Variants in PTPRQ observed in about 807,000 individuals in gnomAD.
PTPRQ encodes the protein phosphatidylinositol phosphatase PTPRQ.
In PTPRQ, 199 loss-of-function variants were observed where a neutral mutation model predicts 246.0. The observed-to-expected ratio is 0.81, with a 90% CI of 0.72 to 0.91. The LOEUF (loss-of-function observed/expected upper bound fraction) is 0.91. Among genes scored for constraint, PTPRQ ranks in the 40% least tolerant of loss-of-function variants. The pLI, the probability that PTPRQ is intolerant of heterozygous loss-of-function variation, is 0.00. For synonymous variants in PTPRQ, 869 were observed against 853.2 expected, an observed-to-expected ratio of 1.02 and a Z score of -0.32; for missense variants, 2,624 against 2,528.4, an observed-to-expected ratio of 1.04 and a Z score of -0.81.
chr12:80,625,467 T>C (rs1188159464), intron 33 of PTPRQ, among the ~76,000 whole-genome samples: 2 of 152,172 alleles, frequency 1.3e-5, no homozygotes, highest in East Asian at 3.9e-4. Context: ...AACTTTGGGA[T>C]TTAAGAGCTT....
At chr12:80,588,049 T>C (rs1897674343) in intron 25 of PTPRQ, 80 bp from the exon 26 acceptor site, 1 of 1,394,418 alleles carries the variant, frequency 7.2e-7, no homozygotes, top group South Asian at 1.6e-5. Context: ...AGCTCCTCCA[T>C]AATAGAATTC....
intron 3 of PTPRQ, among the ~76,000 whole-genome samples, chr12:80,455,950 A>T (rs1315584106): frequency 6.6e-6 from 1 of 152,098 alleles, no homozygotes; most frequent in Admixed American, 6.5e-5. Flanking sequence ...TTTGAATACT[A>T]CAGAAAGATG....
intron 25 of PTPRQ, among the ~76,000 whole-genome samples, chr12:80,585,683 A>T (rs1049503159): frequency 6.6e-6 from 1 of 151,920 alleles, no homozygotes; most frequent in Non-Finnish European, 1.5e-5. Flanking sequence ...TGAAATATTG[A>T]CATGGCTAGG....
intron 25 of PTPRQ, among the ~76,000 whole-genome samples, chr12:80,553,664 A>G (rs1463022667): frequency 6.6e-6 from 1 of 152,082 alleles, no homozygotes; most frequent in Non-Finnish European, 1.5e-5. Flanking sequence ...GATTGAATTT[A>G]TGAGGAGATT....
intron 26 of PTPRQ, among the ~76,000 whole-genome samples, chr12:80,603,133 G>A (rs1295556730): frequency 6.6e-6 from 1 of 151,600 alleles, no homozygotes; most frequent in Non-Finnish European, 1.5e-5. Context: ...ATCTCAATTT[G>A]CACCCACATC....
Position 80,549,702 on chromosome 12 carries a change from G to A in PTPRQ, c.4253G>A (p.Ser1418Asn). 2 of 1,550,664 alleles carry A rather than the reference G, an allele frequency of 1.3e-6. No homozygotes were observed. Among genetic ancestry groups the A allele is most frequent in the South Asian group, 1.2e-5 (1 of 83,962 alleles). ...ACCTCAGCTGGTGAAGGTGATGAAA[G>A]CACATGCCATGTCAGCACACTACCT... ...ASTSAGEGDE[S>N]TCHVSTLPET... The change falls in exon 25 of 45, where the codon AGC (serine) becomes AAC (asparagine). Residue 1418 changes from serine to asparagine, a missense_variant. Ser to Asn is a conservative substitution (Grantham distance 46). Transcript: ENST00000644991.
In PTPRQ at chr12:80,549,456, T is replaced by C. The variant is rs558244275; in HGVS notation, c.4016-9T>C. ...CACTTTAACTTTGGGCATATGTTTATCTCTTAAGTTCCAGATGTCGTGCAG... is the reference window on the plus strand; with the variant it reads ...CACTTTAACTTTGGGCATATGTTTACCTCTTAAGTTCCAGATGTCGTGCAG... On this transcript the variant is annotated splice_polypyrimidine_tract_variant and intron_variant, in intron 24 of 44. Transcript: ENST00000644991. The C allele has an allele frequency of 1.8e-4, 275 of 1,536,172 alleles. 2 individuals carry two copies. The South Asian group carries it at 3.0e-3, about 17-fold the overall frequency.
chr12:80,481,285 C>T (rs1471686204), intron 8 of PTPRQ, among the ~76,000 whole-genome samples: 1 of 152,158 alleles, frequency 6.6e-6, no homozygotes, highest in Non-Finnish European at 1.5e-5. Context: ...ACATGATTAT[C>T]TCAATAGATG....
chr12:80,552,560 A>G (rs1173315202), intron 25 of PTPRQ, among the ~76,000 whole-genome samples: 1 of 148,830 alleles, frequency 6.7e-6, no homozygotes, highest in East Asian at 2.0e-4. Flanking sequence ...AGTTAGTAGA[A>G]CTGTGATTCA....
At position 80,658,035 on chromosome 12, in the gene PTPRQ, G is replaced by A; in HGVS notation, c.6166G>A (p.Asp2056Asn). 1 of 1,432,180 alleles carries A rather than the reference G, an allele frequency of 7.0e-7. No individual in the cohort carries two copies. The highest frequency in any genetic ancestry group is 9.2e-7 in the Non-Finnish European group (1 of 1,088,422). The allele number at this position is 1,432,180 out of a possible 1,614,324, so 88.7% of individuals were successfully genotyped here. A position where few individuals can be genotyped will look rare whatever the true frequency, so the allele number is the denominator to read the frequency against. The change falls in exon 39 of 45, where the codon GAT becomes AAT. Residue 2056 changes from aspartate to asparagine, a missense_variant. Coordinates refer to ENST00000644991, the MANE Select transcript of PTPRQ (RefSeq NM_001145026.2). ...AGCTGACGCTAGTGTTCCAGGTTCG[G>A]ATTATATTAATGCCAGCTATATTTC... ...LIADASVPGS[D>N]YINASYISGY...
intron 16 of PTPRQ, among the ~76,000 whole-genome samples, chr12:80,508,073 G>A (rs10862155): frequency 0.32 from 48,841 of 151,716 alleles, 9,146 homozygotes; most frequent in African/African-American, 0.51. Context: ...CAAGTCAATA[G>A]TTCCAAAGTA....
chr12:80,607,079 A>G (rs1307615434), intron 27 of PTPRQ, among the ~76,000 whole-genome samples: 1 of 150,840 alleles, frequency 6.6e-6, no homozygotes, highest in Non-Finnish European at 1.5e-5. Context: ...GATAACAAAT[A>G]TTTTAATTGC....
chr12:80,605,333 T>C (rs1470298793), intron 27 of PTPRQ, among the ~76,000 whole-genome samples, 153 bp downstream of exon 27: 1 of 151,356 alleles, frequency 6.6e-6, no homozygotes, highest in Non-Finnish European at 1.5e-5. Context: ...TCTGTAAAGA[T>C]TAATAATAGT....
At chr12:80,635,307 G>A (rs1417960353) in intron 35 of PTPRQ, among the ~76,000 whole-genome samples, 1 of 152,064 alleles carries the variant, frequency 6.6e-6, no homozygotes, top group Admixed American at 6.6e-5. Flanking sequence ...GTTCAATCAG[G>A]ATTATTTTCC....
intron 17 of PTPRQ, among the ~76,000 whole-genome samples, chr12:80,516,386 T>A (rs1005342411): frequency 6.6e-6 from 1 of 152,202 alleles, no homozygotes; most frequent in African/African-American, 2.4e-5. Flanking sequence ...GAAATGTTTC[T>A]CAATTTTCTT....
chr12:80,662,370 A>G (rs1213213642), intron 39 of PTPRQ, among the ~76,000 whole-genome samples: 1 of 151,990 alleles, frequency 6.6e-6, no homozygotes. Context: ...CCTGAGATGT[A>G]GTAGGCATTT....
intron 36 of PTPRQ, 121 bp downstream of exon 36, chr12:80,649,044 A>G: frequency 1.1e-6 from 1 of 922,004 alleles, no homozygotes; most frequent in Non-Finnish European, 1.5e-6. Context: ...TCCAAGCTGG[A>G]TATAAATCAT....
At position 80,549,500 on chromosome 12, in the gene PTPRQ, A is replaced by G. The variant is rs1896405263; in HGVS notation, c.4051A>G (p.Thr1351Ala). ...DVVQNMQCMA[T>A]SWQSVLVKWD... ...CGTGCAGAATATGCAGTGCATGGCA[A>G]CTAGCTGGCAGTCAGTTTTAGTGAA... Residue 1351 changes from threonine (T) to alanine (A), a missense_variant, in exon 25 of 45, where the codon ACT (threonine) becomes GCT (alanine). Thr to Ala is a moderately conservative substitution (Grantham distance 58). Coordinates refer to ENST00000644991, the MANE Select transcript of PTPRQ (RefSeq NM_001145026.2). The G allele has an allele frequency of 1.9e-6, 3 of 1,550,916 alleles. No homozygotes were observed. The South Asian group carries it at 3.6e-5, about 18-fold the overall frequency.
At chr12:80,676,656 A>G (rs1901155137) in intron 43 of PTPRQ, among the ~76,000 whole-genome samples, 1 of 152,086 alleles carries the variant, frequency 6.6e-6, no homozygotes, top group Non-Finnish European at 1.5e-5. Flanking sequence ...AACAACAACA[A>G]CAAAACCAAC....
Sources: allele counts gnomAD v4.1 joint callset (sites outside exome capture counted in the v4.1 genomes callset), GRCh38; gene constraint gnomAD v4.1.1; transcripts MANE v1.5; gene names NCBI Gene and HGNC (gene_info 2026-07-23, HGNC 2026-07-21).